The following SLC12A4 variants were observed in gnomAD, a reference collection of about 807,000 sequenced individuals.
The protein encoded by SLC12A4 is electroneutral potassium-chloride cotransporter 1.
Under a neutral mutation model 119.2 loss-of-function variants are expected in SLC12A4, and 84 were observed. The ratio of observed to expected loss-of-function variants is 0.70; its 90% CI spans 0.59 to 0.85. The LOEUF is 0.85. SLC12A4 is among the 40% of genes least tolerant of loss of function. The pLI, the probability that SLC12A4 is intolerant of heterozygous loss-of-function variation, is 0.00. For synonymous variants in SLC12A4, 599 were observed against 604.6 expected (o/e 0.99, Z 0.14); for missense variants, 1,298 against 1,476.3 (o/e 0.88, Z 1.98).
chr16:67,951,861 A>G lies in SLC12A4; in HGVS notation c.1094T>C (p.Ile365Thr). Residue 365 changes from isoleucine (I) to threonine (T), a missense_variant, in exon 8 of 24, where the codon ATC (isoleucine) becomes ACC (threonine). Physicochemically the swap from Ile to Thr is moderately conservative, Grantham distance 89 (BLOSUM62 -1). Transcript: ENST00000316341. The surrounding 1 kb of genome is among the most constrained non-coding windows in gnomAD (Gnocchi z 5.2). ...AGCAGCTGCCCCGGGGATGCCAGGG[A>G]TCTCGGTCACATTGTTGAGCATGAA... ...PYFMLNNVTE[I>T]PGIPGAAAGV... 6.2e-7 allele frequency: 1 copy of G among 1,613,706 alleles called. No homozygotes were observed. Among genetic ancestry groups the G allele is most frequent in the South Asian group, 1.1e-5 (1 of 91,068 alleles).
Position 67,951,579 on chromosome 16 carries a change from C to T in SLC12A4, c.1132+244G>A. ...CTTTATGGATCCTGTGGGAACATCC[C>T]CAGGCAGTGTCAGGGGCTGGTGGCT... On this transcript the variant is annotated intron_variant, in intron 8 of 23. Transcript: ENST00000316341. This position sits in a 1 kb window ranked among gnomAD's most constrained non-coding sequence, Gnocchi z 5.2. 3.3e-6 allele frequency: 2 copies of T among 610,294 alleles called. No individual in the cohort carries two copies. The highest frequency in any genetic ancestry group is 2.0e-5 in the South Asian group (1 of 50,354). The allele number at this position is 610,294 out of a possible 1,614,324, so 37.8% of individuals were successfully genotyped here.
At chr16:67,955,753 C>A (rs2030223393) in intron 5 of SLC12A4, among the ~76,000 whole-genome samples, 1 of 151,962 alleles carries the variant, frequency 6.6e-6, no homozygotes, top group African/African-American at 2.4e-5. Flanking sequence ...GCGGTGTGCA[C>A]CTGTAGTCCC....
rs2029967316 is a variant in SLC12A4 at position 67,952,368 on chromosome 16, T to TA, written c.732_733insT (p.Asn245Ter). On this transcript the variant is annotated frameshift_variant, in exon 7 of 24. Coordinates refer to ENST00000316341, the MANE Select transcript of SLC12A4 (RefSeq NM_005072.5). LOFTEE classifies it high-confidence loss of function. ...ACACGCATATTGTTCAAAGTGGCATTCGACGTGTCATGAGCACCCGATGGG... is the reference window on the plus strand; with the variant it reads ...ACACGCATATTGTTCAAAGTGGCATTACGACGTGTCATGAGCACCCGATGGG... 6.2e-7 allele frequency: 1 copy of TA among 1,614,068 alleles called. No homozygotes were observed. The highest frequency in any genetic ancestry group is 8.5e-7 in the Non-Finnish European group (1 of 1,180,032).
chr16:67,965,174 G>C (rs2030808347), intron 1 of SLC12A4, among the ~76,000 whole-genome samples: 1 of 152,166 alleles, frequency 6.6e-6, no homozygotes, highest in African/African-American at 2.4e-5. Context: ...GATATCTGCT[G>C]TACCCTCCAT....
intron 1 of SLC12A4, among the ~76,000 whole-genome samples, chr16:67,964,426 C>A (rs2030767625): frequency 6.6e-6 from 1 of 152,098 alleles, no homozygotes; most frequent in African/African-American, 2.4e-5. Flanking sequence ...TCCTATCATT[C>A]ATTCTTCCCT....
chr16:67,945,166 A>G lies in SLC12A4; in HGVS notation c.3087T>C (p.Ile1029=), dbSNP rs1159489865. 3 of 1,595,276 alleles carry G rather than the reference A, an allele frequency of 1.9e-6. No individual in the cohort carries two copies. Among genetic ancestry groups the G allele is most frequent in the Non-Finnish European group, 1.7e-6 (2 of 1,169,688 alleles). The change falls in exon 23 of 24, where the codon ATT becomes ATC. Residue 1029 remains isoleucine (I), a synonymous_variant. Coordinates refer to ENST00000316341, the MANE Select transcript of SLC12A4 (RefSeq NM_005072.5). ...GGCGGGCGTCGTGGGAGCGCGTGAC[A>G]ATGACTTCATTGAGCTTCACAGCAG... ...MHTAVKLNEV[I]VTRSHDARLV... is the part of the protein sequence containing the mutation.
Position 67,961,632 on chromosome 16 carries a change from G to T in SLC12A4, c.285C>A (p.Gly95=). ...TCTCGGCCTCCTCATGCTCTTTGGC[G>T]CCCTGGGTGAGGTTGGTGTAGCTGA... ...KLVSYTNLTQ[G]AKEHEEAESG... Residue 95 remains glycine (G), a synonymous_variant, in exon 3 of 24, where the codon GGC becomes GGA. Transcript: ENST00000316341. 6.2e-7 allele frequency: 1 copy of T among 1,614,152 alleles called. No individual in the cohort carries two copies. The highest frequency in any genetic ancestry group is 1.1e-5 in the South Asian group (1 of 91,090).
chr16:67,947,469 T>C (rs754553150), intron 15 of SLC12A4, 34 bp from the exon 16 acceptor site: 2 of 1,594,472 alleles, frequency 1.3e-6, no homozygotes, highest in Non-Finnish European at 8.6e-7. Flanking sequence ...GAGCCCCTGG[T>C]GCCGCCCAGG....
rs763679917 is a variant in SLC12A4 at position 67,951,981 on chromosome 16, T to C, written c.974A>G (p.Lys325Arg). Reference sequence around the variant, plus strand: ...TGTCTCATTGTCCACTACAGCTGTCTTGGCACAGATGTCAAACTGGTCCCG... The same window carrying C: ...TGTCTCATTGTCCACTACAGCTGTCCTGGCACAGATGTCAAACTGGTCCCG... ...LSRDQFDICA[K>R]TAVVDNETVA... The change falls in exon 8 of 24, where the codon AAG (lysine) becomes AGG (arginine). Residue 325 changes from lysine to arginine, a missense_variant. Transcript: ENST00000316341. This position sits in a 1 kb window ranked among gnomAD's most constrained non-coding sequence, Gnocchi z 5.2. The C allele has an allele frequency of 2.8e-5, 45 of 1,613,964 alleles. No homozygotes were observed. The highest frequency in any genetic ancestry group is 6.7e-5 in the Admixed American group (4 of 60,000).
Position 67,946,230 on chromosome 16 carries a change from A to C in SLC12A4, c.2548T>G (p.Trp850Gly), listed in dbSNP as rs779790488. 2 of 1,613,938 alleles carry C rather than the reference A, an allele frequency of 1.2e-6. No individual in the cohort carries two copies. Among genetic ancestry groups the C allele is most frequent in the East Asian group, 4.5e-5 (2 of 44,874 alleles). Residue 850 changes from tryptophan (W) to glycine (G), a missense_variant, in exon 19 of 24, where the codon TGG becomes GGG. Physicochemically the swap from Trp to Gly is radical, Grantham distance 184 (BLOSUM62 -2). Coordinates refer to ENST00000316341, the MANE Select transcript of SLC12A4 (RefSeq NM_005072.5). ...RYLEGHIDVWWIVHDGGMLML... is the reference protein window; with the variant it reads ...RYLEGHIDVWGIVHDGGMLML... The stretch of plus-strand genomic sequence containing the variant: ...AGCATGCCACCATCGTGCACGATCC[A>C]CCACACGTCTATGTGGCCCTCCAGG...
At chr16:67,948,603 G>A (rs1169601977) in intron 13 of SLC12A4, among the ~76,000 whole-genome samples, 1 of 152,246 alleles carries the variant, frequency 6.6e-6, no homozygotes, top group Non-Finnish European at 1.5e-5. Flanking sequence ...TGCGGTGGGC[G>A]TGGGAGTCCC....
Position 67,950,040 on chromosome 16 carries a change from C to A in SLC12A4, c.1630-122G>T. ...TTGGGGGCTCAGGCCGCCCCTGTGT[C>A]TATCCCTATGGGTGTCACCAGTCTC... On this transcript the variant is annotated intron_variant, in intron 12 of 23. Coordinates refer to ENST00000316341, the MANE Select transcript of SLC12A4 (RefSeq NM_005072.5). This position sits in a 1 kb window ranked among gnomAD's most constrained non-coding sequence, Gnocchi z 4.3. The A allele has an allele frequency of 1.3e-6, 1 of 791,096 alleles. No homozygotes were observed. The highest frequency in any genetic ancestry group is 1.5e-5 in the South Asian group (1 of 65,782). 49.0% of individuals were successfully genotyped at this position (791,096 alleles called of 1,614,324 possible). A position where few individuals can be genotyped will look rare whatever the true frequency, so the allele number is the denominator to read the frequency against.
At chr16:67,957,626 G>T in intron 5 of SLC12A4, 116 bp downstream of exon 5, 3 of 1,139,392 alleles carry the variant, frequency 2.6e-6, no homozygotes, top group Non-Finnish European at 2.6e-6. Flanking sequence ...ATCAGGGATT[G>T]GGAGCCCACT....
intron 3 of SLC12A4, 107 bp downstream of exon 3, chr16:67,961,468 C>T (rs1179630144): frequency 1.3e-6 from 2 of 1,487,420 alleles, no homozygotes; most frequent in Non-Finnish European, 9.1e-7. Flanking sequence ...CTATGCTTGG[C>T]ACCCACTTCC....
Position 67,943,745 on chromosome 16 carries a change from G to C in SLC12A4, c.*1095C>G. The C allele has an allele frequency of 1.7e-6, 1 of 597,030 alleles. No individual in the cohort carries two copies. Among genetic ancestry groups the C allele is most frequent in the Non-Finnish European group, 2.9e-6 (1 of 344,636 alleles). The allele number at this position is 597,030 out of a possible 1,614,324, so 37.0% of individuals were successfully genotyped here. ...CCCCCACTCCGCCCCCCCTGGGTTA[G>C]ACAACTGAGAGTCACAGTGTGGTGG... On this transcript the variant is annotated 3_prime_UTR_variant, in exon 24 of 24. Transcript: ENST00000316341. This position sits in a 1 kb window ranked among gnomAD's most constrained non-coding sequence, Gnocchi z 4.6.
At position 67,943,909 on chromosome 16, in the gene SLC12A4, G is replaced by T; in HGVS notation, c.*931C>A. On this transcript the variant is annotated 3_prime_UTR_variant, in exon 24 of 24. Coordinates refer to ENST00000316341, the MANE Select transcript of SLC12A4 (RefSeq NM_005072.5). This position sits in a 1 kb window ranked among gnomAD's most constrained non-coding sequence, Gnocchi z 4.6. Reference sequence around the variant, plus strand: ...AGGGGCTGGGGCCCAGGCTCCCCAGGGTCTGGCGTGGTGCATCAGGGGCCT... The same window carrying T: ...AGGGGCTGGGGCCCAGGCTCCCCAGTGTCTGGCGTGGTGCATCAGGGGCCT... 1 of 1,514,264 alleles carries T rather than the reference G, an allele frequency of 6.6e-7. No homozygotes were observed. Among genetic ancestry groups the T allele is most frequent in the Non-Finnish European group, 8.9e-7 (1 of 1,123,470 alleles). 93.8% of individuals were successfully genotyped at this position (1,514,264 alleles called of 1,614,324 possible).
chr16:67,968,542 G>A lies in SLC12A4; in HGVS notation c.12C>T (p.Phe4=), dbSNP rs778296257. Residue 4 remains phenylalanine, a synonymous_variant, in exon 1 of 24, where the codon TTC becomes TTT. Transcript: ENST00000316341. ...TCGGCCCGTCCACTGGCACCACGGT[G>A]AAGTGAGGCATCGTGCGGGCTCGGC... MPH[F]TVVPVDGPRR... 17 of 1,575,126 alleles carry A rather than the reference G, an allele frequency of 1.1e-5. No homozygotes were observed. The highest frequency in any genetic ancestry group is 1.4e-5 in the Non-Finnish European group (16 of 1,166,794).
At chr16:67,964,031 C>T (rs1279522460) in intron 1 of SLC12A4, 1 of 1,550,662 alleles carries the variant, frequency 6.4e-7, no homozygotes, top group African/African-American at 1.4e-5. Flanking sequence ...CTGCCATGGC[C>T]CAAAGGTGGC....
In SLC12A4 at chr16:67,968,545, G is replaced by T; in HGVS notation, c.9C>A (p.His3Gln). Residue 3 changes from histidine (H) to glutamine (Q), a missense_variant, in exon 1 of 24, where the codon CAC becomes CAA. Transcript: ENST00000316341. MP[H>Q]FTVVPVDGPR... Reference sequence around the variant, plus strand: ...GCCCGTCCACTGGCACCACGGTGAAGTGAGGCATCGTGCGGGCTCGGCCCC... The same window carrying T: ...GCCCGTCCACTGGCACCACGGTGAATTGAGGCATCGTGCGGGCTCGGCCCC... 3 of 1,568,544 alleles carry T rather than the reference G, an allele frequency of 1.9e-6. No homozygotes were observed. Among genetic ancestry groups the T allele is most frequent in the Non-Finnish European group, 2.6e-6 (3 of 1,163,964 alleles).
Sources: allele counts gnomAD v4.1 joint callset (sites outside exome capture counted in the v4.1 genomes callset), GRCh38; gene constraint gnomAD v4.1.1; non-coding constraint Gnocchi (gnomAD v3.1); transcripts MANE v1.5; gene names NCBI Gene and HGNC (gene_info 2026-07-23, HGNC 2026-07-21).